STK32B: variants seen among roughly 807,000 people sequenced by gnomAD.
STK32B encodes serine/threonine kinase 32B.
In STK32B, 43 loss-of-function variants were observed where a neutral mutation model predicts 52.6. The observed-to-expected ratio is 0.82, with a 90% CI of 0.64 to 1.05. The LOEUF is 1.05. STK32B is among the 50% of genes least tolerant of loss of function. STK32B has a pLI of 0.00. For synonymous variants in STK32B, 238 were observed against 204.3 expected (o/e 1.17, Z -1.41); for missense variants, 621 against 534.6 (o/e 1.16, Z -1.59).
In STK32B at chr4:5,456,938, T is replaced by C. The variant is rs1250219563; in HGVS notation, c.783+15T>C. 6.6e-7 allele frequency: 1 copy of C among 1,506,044 alleles called. No homozygotes were observed. The allele number at this position is 1,506,044 out of a possible 1,614,324, so 93.3% of individuals were successfully genotyped here. ...TGCTGAGGAAGGTAAGGGGGCAGCT[T>C]CCAGCCTGCCCCGCCAGGGAGCTAC... On this transcript the variant is annotated intron_variant, in intron 8 of 11. Transcript: ENST00000282908.
chr4:5,298,560 C>T (rs1577310928), intron 3 of STK32B, among the ~76,000 whole-genome samples: 1 of 152,158 alleles, frequency 6.6e-6, no homozygotes, highest in Non-Finnish European at 1.5e-5. Context: ...TCAGTCTGAA[C>T]TTTCCTGTGG....
intron 3 of STK32B, among the ~76,000 whole-genome samples, chr4:5,224,635 T>C (rs769269731): frequency 1.3e-5 from 2 of 152,194 alleles, no homozygotes; most frequent in Non-Finnish European, 2.9e-5. Flanking sequence ...TAATAGCTAC[T>C]GTCAGACGAA....
In STK32B at chr4:5,396,331, G is replaced by A. The variant is rs1003093179; in HGVS notation, c.435-1876G>A. On this transcript the variant is annotated intron_variant, in intron 4 of 11. Transcript: ENST00000282908. The surrounding 1 kb of genome is among the most constrained non-coding windows in gnomAD (Gnocchi z 4.7). ...CATGGCCTTCTTCTCTCCTGTGCCT[G>A]CATCCAAATCCCTCCCCCTACTTTC... Among the ~76,000 whole-genome samples, 5 of 152,152 alleles carry A rather than the reference G, an allele frequency of 3.3e-5. No homozygotes were observed. In the South Asian group the frequency reaches 8.3e-4, roughly 25 times the overall value.
intron 1 of STK32B, among the ~76,000 whole-genome samples, chr4:5,091,545 G>A (rs573240846): frequency 6.2e-4 from 94 of 152,130 alleles, no homozygotes; most frequent in Non-Finnish European, 1.2e-3. Flanking sequence ...ATACTCAATA[G>A]GATGGAATAA....
intron 1 of STK32B, among the ~76,000 whole-genome samples, chr4:5,087,402 T>C (rs1712791840): frequency 6.6e-6 from 1 of 151,962 alleles, no homozygotes; most frequent in African/African-American, 2.4e-5. Context: ...TAAAAAGCTA[T>C]GACTTATAGA....
At chr4:5,073,285 A>C (rs1384945055) in intron 1 of STK32B, among the ~76,000 whole-genome samples, 1 of 151,900 alleles carries the variant, frequency 6.6e-6, no homozygotes, top group Non-Finnish European at 1.5e-5. Context: ...AAATTCTATC[A>C]CAACTATTGG....
At chr4:5,241,714 T>C (rs886252410) in intron 3 of STK32B, among the ~76,000 whole-genome samples, 2 of 152,148 alleles carry the variant, frequency 1.3e-5, no homozygotes, top group African/African-American at 4.8e-5. Flanking sequence ...CTCCTAATGC[T>C]ATCCCTCCCT....
the STK32B span, among the ~76,000 whole-genome samples, chr4:5,041,011 G>A: frequency 2.0e-5 from 3 of 152,216 alleles, no homozygotes; most frequent in Admixed American, 6.5e-5. Context: ...CCTTGATGGA[G>A]ACATCGTTAT....
In STK32B at chr4:5,460,863, C is replaced by G. The variant is rs555333812; in HGVS notation, c.909+635C>G. On this transcript the variant is annotated intron_variant, in intron 9 of 11. Transcript: ENST00000282908. This position sits in a 1 kb window ranked among gnomAD's most constrained non-coding sequence, Gnocchi z 4.8. ...AAATGGGGCCAGGAGGGAACACATGCCACACCAAAAAGGCTTCCAGAGGCC... is the reference window on the plus strand; with the variant it reads ...AAATGGGGCCAGGAGGGAACACATGGCACACCAAAAAGGCTTCCAGAGGCC... Among the ~76,000 whole-genome samples the G allele has an allele frequency of 6.6e-6, 1 of 152,176 alleles. No individual in the cohort carries two copies. The highest frequency in any genetic ancestry group is 1.5e-5 in the Non-Finnish European group (1 of 68,022).
intron 3 of STK32B, among the ~76,000 whole-genome samples, chr4:5,323,901 T>C (rs1040949156): frequency 6.6e-6 from 1 of 152,180 alleles, no homozygotes; most frequent in African/African-American, 2.4e-5. Flanking sequence ...GTTCTGGACA[T>C]GGACTATCTT....
At chr4:5,449,267 C>T (rs549135396) in intron 7 of STK32B, among the ~76,000 whole-genome samples, 13 of 152,244 alleles carry the variant, frequency 8.5e-5, no homozygotes, top group East Asian at 5.8e-4. Flanking sequence ...TGCTTGAACC[C>T]GGGAAGCGGA....
intron 1 of STK32B, 52 bp downstream of exon 1, chr4:5,051,967 C>T (rs1290710320): frequency 1.3e-6 from 2 of 1,553,636 alleles, no homozygotes; most frequent in East Asian, 2.5e-5. Flanking sequence ...CCCCTTCCTC[C>T]ACCACCCTCG....
chr4:5,227,186 C>T (rs1477016167), intron 3 of STK32B, among the ~76,000 whole-genome samples: 1 of 152,084 alleles, frequency 6.6e-6, no homozygotes, highest in African/African-American at 2.4e-5. Context: ...TTCTTTGATA[C>T]CACACCAAAA....
At chr4:5,140,907 A>G (rs1446701776) in intron 2 of STK32B, among the ~76,000 whole-genome samples, 1 of 152,212 alleles carries the variant, frequency 6.6e-6, no homozygotes, top group Middle Eastern at 3.2e-3. Context: ...ATATTTAAAA[A>G]ATGAGAGAGA....
chr4:5,382,815 C>A (rs1736016679), intron 4 of STK32B, among the ~76,000 whole-genome samples: 1 of 152,174 alleles, frequency 6.6e-6, no homozygotes, highest in South Asian at 2.1e-4. Flanking sequence ...TCACAACAGC[C>A]GTTACAGACA....
intron 4 of STK32B, among the ~76,000 whole-genome samples, chr4:5,375,792 A>G (rs1213854883): frequency 6.6e-6 from 1 of 152,066 alleles, no homozygotes; most frequent in African/African-American, 2.4e-5. Flanking sequence ...TAGAAAGTTG[A>G]TGGGTCAGTC....
intron 4 of STK32B, among the ~76,000 whole-genome samples, chr4:5,339,182 T>C (rs1732908162): frequency 6.6e-6 from 1 of 152,240 alleles, no homozygotes; most frequent in South Asian, 2.1e-4. Flanking sequence ...CATACTTGAA[T>C]TGAATTACAC....
intron 3 of STK32B, among the ~76,000 whole-genome samples, chr4:5,186,215 C>T (rs1466431523): frequency 6.6e-6 from 1 of 152,144 alleles, no homozygotes; most frequent in Non-Finnish European, 1.5e-5. Flanking sequence ...GGGACACCAG[C>T]CCCAGACAGT....
chr4:5,100,552 C>T (rs1157483494), intron 1 of STK32B, among the ~76,000 whole-genome samples: 2 of 130,582 alleles, frequency 1.5e-5, no homozygotes, highest in Non-Finnish European at 3.2e-5. Flanking sequence ...TCCTCCTTTC[C>T]TCCTTCCTTC....
Sources: gnomAD v4.1 joint callset for allele counts (sites outside exome capture counted in the v4.1 genomes callset) on GRCh38, gnomAD v4.1.1 for gene constraint, Gnocchi (gnomAD v3.1) non-coding constraint, MANE v1.5 for transcripts, NCBI Gene and HGNC (gene_info 2026-07-23, HGNC 2026-07-21) for gene names.